The following AKAP9 variants were observed in gnomAD, a reference collection of about 807,000 sequenced individuals.
AKAP9 encodes the protein A-kinase anchor protein 9.
A neutral mutation model predicts 488.5 loss-of-function variants in AKAP9; 311 were observed. The observed-to-expected ratio is 0.64, with a 90% CI of 0.58 to 0.70. The LOEUF is 0.70. AKAP9 is among the 30% of genes least tolerant of loss of function. The pLI is 0.00. For missense variants in AKAP9, 4,215 were observed against 4,374.5 expected, an observed-to-expected ratio of 0.96 and a Z score of 1.03; for synonymous variants, 1,462 against 1,483.5, an observed-to-expected ratio of 0.99 and a Z score of 0.33.
At chr7:91,982,902 C>A (rs891340248) in intron 3 of AKAP9, among the ~76,000 whole-genome samples, 1 of 152,108 alleles carries the variant, frequency 6.6e-6, no homozygotes, top group Admixed American at 6.5e-5. Flanking sequence ...GAGATGGTAT[C>A]TCATTGTGGT....
At chr7:92,018,355 G>T (rs995823883) in intron 12 of AKAP9, among the ~76,000 whole-genome samples, 2 of 151,004 alleles carry the variant, frequency 1.3e-5, no homozygotes, top group South Asian at 2.1e-4. Flanking sequence ...CTGTACTCCT[G>T]CCTGGGCAAC....
Position 92,093,181 on chromosome 7 carries a change from C to G in AKAP9, c.9443C>G (p.Thr3148Arg), listed in dbSNP as rs878854812. 6.2e-7 allele frequency: 1 copy of G among 1,614,002 alleles called. No homozygotes were observed. The highest frequency in any genetic ancestry group is 1.3e-5 in the African/African-American group (1 of 74,894). ...CTCAGCAGTATGAAAGACAGAGCAACGGAACTGCAGGAGCAGCTGAGTTCT... is the reference window on the plus strand; with the variant it reads ...CTCAGCAGTATGAAAGACAGAGCAAGGGAACTGCAGGAGCAGCTGAGTTCT... ...VELSSMKDRA[T>R]ELQEQLSSEK... Residue 3148 changes from threonine to arginine, a missense_variant, in exon 39 of 50, where the codon ACG becomes AGG. Around this residue, in one of 5 missense-constraint regions of AKAP9, gnomAD observed 1,476 missense variants for 1,477.4 expected, o/e 1.00. Transcript: ENST00000356239.
intron 21 of AKAP9, among the ~76,000 whole-genome samples, chr7:92,045,536 G>A (rs1806827009): frequency 1.3e-5 from 2 of 152,102 alleles, no homozygotes; most frequent in Admixed American, 1.3e-4. Flanking sequence ...AGGTATGGAT[G>A]ACATCCTGAA....
At chr7:91,959,498 A>G (rs1346482077) in intron 1 of AKAP9, among the ~76,000 whole-genome samples, 1 of 151,968 alleles carries the variant, frequency 6.6e-6, no homozygotes, top group African/African-American at 2.4e-5. Context: ...TAAGAGATGG[A>G]TCTTGTTATG....
chr7:92,094,329 C>G (rs1816152747), intron 39 of AKAP9, among the ~76,000 whole-genome samples: 2 of 148,918 alleles, frequency 1.3e-5, no homozygotes, highest in African/African-American at 4.9e-5. Flanking sequence ...GTCAGGAGTT[C>G]AAGACCAGCC....
intron 43 of AKAP9, among the ~76,000 whole-genome samples, chr7:92,099,459 G>A (rs1425974198): frequency 2.6e-5 from 4 of 152,088 alleles, no homozygotes; most frequent in African/African-American, 9.7e-5. Context: ...GACTTACCAG[G>A]CAACCTACAA....
At chr7:92,062,188 G>A (rs1260740828) in intron 23 of AKAP9, 86 bp from the exon 24 acceptor site, 4 of 1,232,316 alleles carry the variant, frequency 3.2e-6, no homozygotes, top group Non-Finnish European at 4.7e-6. Flanking sequence ...TTTGCTAACA[G>A]TATACCTTTT....
chr7:92,054,262 T>G (rs1808415354), intron 22 of AKAP9, among the ~76,000 whole-genome samples: 1 of 152,146 alleles, frequency 6.6e-6, no homozygotes, highest in Non-Finnish European at 1.5e-5. Context: ...ATGTGTAATA[T>G]CTTTGTGAAA....
chr7:91,946,168 C>CA (rs1303988071), intron 1 of AKAP9, among the ~76,000 whole-genome samples: 3 of 152,138 alleles, frequency 2.0e-5, no homozygotes, highest in African/African-American at 7.2e-5. Flanking sequence ...CTGTGATAGA[C>CA]AAAGCTGGTT....
intron 1 of AKAP9, among the ~76,000 whole-genome samples, chr7:91,965,778 A>G (rs1794370071): frequency 6.6e-6 from 1 of 152,186 alleles, no homozygotes; most frequent in Non-Finnish European, 1.5e-5. Flanking sequence ...TTCTCTGATG[A>G]TTAGTAACAT....
Position 92,095,040 on chromosome 7 carries a change from A to G in AKAP9, c.9596A>G (p.Lys3199Arg). The G allele has an allele frequency of 1.2e-6, 2 of 1,614,124 alleles. No individual in the cohort carries two copies. Among genetic ancestry groups the G allele is most frequent in the Non-Finnish European group, 1.7e-6 (2 of 1,179,956 alleles). Residue 3199 changes from lysine (K) to arginine (R), a missense_variant, in exon 40 of 50, where the codon AAG becomes AGG. This residue lies in a region of AKAP9 where 1,476 missense variants were observed against 1,477.4 expected (regional missense o/e 1.00). Transcript: ENST00000356239. ...LEAFRLEVKD[K>R]TDEVHLLNDT... ...TGACTTAGGTTGGAAGTTAAAGATA[A>G]GACAGATGAAGTACATTTGCTTAAT...
intron 1 of AKAP9, among the ~76,000 whole-genome samples, chr7:91,952,964 G>A (rs1792449144): frequency 6.6e-6 from 1 of 152,170 alleles, no homozygotes; most frequent in Admixed American, 6.5e-5. Flanking sequence ...CTACAGGCAT[G>A]AGCCACCCCA....
chr7:91,943,970 AT>A (rs1211897299), intron 1 of AKAP9, among the ~76,000 whole-genome samples: 2 of 152,134 alleles, frequency 1.3e-5, no homozygotes, highest in East Asian at 3.8e-4. Context: ...TTTGGGGGTA[AT>A]TTATTGATAA....
chr7:91,946,547 A>C (rs977853603), intron 1 of AKAP9, among the ~76,000 whole-genome samples: 1 of 151,906 alleles, frequency 6.6e-6, no homozygotes, highest in African/African-American at 2.4e-5. Context: ...AATTGTTAAA[A>C]TTTTTTTGTA....
intron 16 of AKAP9, among the ~76,000 whole-genome samples, chr7:92,036,771 T>G (rs1472638492): frequency 6.6e-6 from 1 of 152,226 alleles, no homozygotes; most frequent in African/African-American, 2.4e-5. Context: ...CATAAGGTTT[T>G]GATCACTAGT....
intron 27 of AKAP9, 126 bp from the exon 28 acceptor site, chr7:92,070,779 A>C: frequency 1.4e-6 from 1 of 708,370 alleles, no homozygotes; most frequent in Non-Finnish European, 2.3e-6. Flanking sequence ...TTCTACTTCT[A>C]ATTGGAGAAA....
intron 25 of AKAP9, among the ~76,000 whole-genome samples, chr7:92,066,098 A>T (rs1328676003): frequency 6.6e-6 from 1 of 152,184 alleles, no homozygotes; most frequent in Non-Finnish European, 1.5e-5. Flanking sequence ...CTAACATGGA[A>T]TTCCTCCTTT....
Position 92,001,390 on chromosome 7 carries a change from G to T in AKAP9, c.1473G>T (p.Met491Ile). The T allele has an allele frequency of 6.2e-7, 1 of 1,613,748 alleles. No homozygotes were observed. Among genetic ancestry groups the T allele is most frequent in the South Asian group, 1.1e-5 (1 of 91,052 alleles). Residue 491 changes from methionine to isoleucine, a missense_variant, in exon 8 of 50, where the codon ATG becomes ATT. Coordinates refer to ENST00000356239, the MANE Select transcript of AKAP9 (RefSeq NM_005751.5). ...ITVNEDQIKL[M>I]NVAINELNIK... ...TTAATGAAGATCAGATAAAGTTAAT[G>T]AATGTGGCAATAAATGAACTGAATA...
rs189146590 is a variant in AKAP9, at chr7:92,084,074, G to C, written c.8646+419G>C. The stretch of plus-strand genomic sequence containing the variant: ...TCCCACTTATGAGTGAGAACATGCA[G>C]TGTTTGGTTTTCTGTTCTTGTGTTA... On this transcript the variant is annotated intron_variant, in intron 33 of 49. Coordinates refer to ENST00000356239, the MANE Select transcript of AKAP9 (RefSeq NM_005751.5). Among the ~76,000 whole-genome samples, 14 of 152,306 alleles carry C rather than the reference G, an allele frequency of 9.2e-5. No individual in the cohort carries two copies. The East Asian group carries it at 2.7e-3, about 29-fold the overall frequency.
Sources: gnomAD v4.1 joint callset for allele counts (sites outside exome capture counted in the v4.1 genomes callset) on GRCh38, gnomAD v4.1.1 for gene constraint, gnomAD v4.1.1 regional missense constraint, MANE v1.5 for transcripts, NCBI Gene and HGNC (gene_info 2026-07-23, HGNC 2026-07-21) for gene names.